The following DLG2 variants were observed in gnomAD, a reference collection of about 807,000 sequenced individuals.
DLG2 encodes the protein disks large homolog 2.
A neutral mutation model predicts 132.5 loss-of-function variants in DLG2; 45 were observed. That is an observed-to-expected ratio of 0.34 (90% CI 0.27 to 0.44). The LOEUF is 0.44. Among genes scored for constraint, DLG2 ranks in the 20% least tolerant of loss-of-function variants. The probability of loss-of-function intolerance (pLI) is 1.00; values close to 1 mark genes in which losing one functional copy is unlikely to be tolerated. For missense variants in DLG2, 1,045 were observed against 1,196.9 expected (o/e 0.87, Z 1.87); for synonymous variants, 424 against 419.6 (o/e 1.01, Z -0.13).
chr11:85,627,497 T>C (rs573631451), upstream of DLG2: 1 of 152,320 alleles, frequency 6.6e-6, no homozygotes, highest in South Asian at 2.1e-4. Context: ...CAGCTCCCTA[T>C]CCGGCGAGGA....
intron 16 of DLG2, among the ~76,000 whole-genome samples, chr11:83,856,742 T>C (rs886636055): frequency 5.3e-5 from 8 of 152,240 alleles, no homozygotes; most frequent in African/African-American, 1.7e-4. Flanking sequence ...CTCAGATGCG[T>C]AATTTGGAAA....
chr11:85,174,939 G>A (rs951336183), intron 4 of DLG2, among the ~76,000 whole-genome samples: 4 of 152,018 alleles, frequency 2.6e-5, no homozygotes, highest in Non-Finnish European at 5.9e-5. Flanking sequence ...GCCCTGAATA[G>A]ACCAATAACA....
chr11:85,079,606 C>A (rs945623340), intron 6 of DLG2, among the ~76,000 whole-genome samples: 1 of 151,874 alleles, frequency 6.6e-6, no homozygotes, highest in African/African-American at 2.4e-5. Flanking sequence ...CAGCTGCCTG[C>A]TCTGGGTCTA....
chr11:84,678,085 TAA>T (rs1413518291), intron 6 of DLG2, among the ~76,000 whole-genome samples: 1 of 152,022 alleles, frequency 6.6e-6, no homozygotes, highest in East Asian at 1.9e-4. Flanking sequence ...GAAGATTCAT[TAA>T]AAGACTCTAT....
intron 12 of DLG2, among the ~76,000 whole-genome samples, chr11:83,975,968 C>T (rs553910152): frequency 4.0e-5 from 6 of 151,852 alleles, no homozygotes; most frequent in African/African-American, 1.2e-4. Flanking sequence ...TCAGAGACTG[C>T]TTCACATGCT....
intron 7 of DLG2, among the ~76,000 whole-genome samples, chr11:84,356,562 TA>T: frequency 6.6e-6 from 1 of 152,106 alleles, no homozygotes. Flanking sequence ...CTCTTACCTG[TA>T]AAATGAGATC....
At chr11:85,341,007 A>G (rs2082455957) in intron 3 of DLG2, among the ~76,000 whole-genome samples, 2 of 152,204 alleles carry the variant, frequency 1.3e-5, no homozygotes, top group Non-Finnish European at 2.9e-5. Context: ...ACCATTTATT[A>G]ATGGTTGACT....
chr11:84,383,264 A>T lies in DLG2; in HGVS notation c.520-131973T>A, dbSNP rs533377425. Among the ~76,000 whole-genome samples the T allele has an allele frequency of 2.6e-5, 4 of 151,704 alleles. No homozygotes were observed. In the South Asian group the frequency reaches 8.3e-4, roughly 32 times the overall value. On this transcript the variant is annotated intron_variant, in intron 7 of 27. Coordinates refer to ENST00000376104, the MANE Select transcript of DLG2 (RefSeq NM_001142699.3). ...TAGCACGGCGTCCATTCCCCCGAGA[A>T]GATTTTCTGGATTATATGGTTAGGT...
intron 7 of DLG2, among the ~76,000 whole-genome samples, chr11:84,448,393 T>A (rs554542116): frequency 6.6e-6 from 1 of 152,180 alleles, no homozygotes; most frequent in South Asian, 2.1e-4. Context: ...GAGCAATAAT[T>A]AATGAGTAAT....
chr11:85,304,499 T>C (rs989832918), intron 3 of DLG2, among the ~76,000 whole-genome samples: 9 of 152,108 alleles, frequency 5.9e-5, no homozygotes, highest in African/African-American at 2.2e-4. Context: ...TTATACAGGT[T>C]GAGCATCCCA....
chr11:85,177,091 A>C (rs1286146725), intron 4 of DLG2, among the ~76,000 whole-genome samples: 2 of 152,084 alleles, frequency 1.3e-5, no homozygotes, highest in African/African-American at 2.4e-5. Flanking sequence ...TTGACCCAGC[A>C]ATCCCATTAC....
At chr11:85,436,204 AC>A (rs1457698372) in intron 3 of DLG2, among the ~76,000 whole-genome samples, 1 of 152,206 alleles carries the variant, frequency 6.6e-6, no homozygotes, top group Non-Finnish European at 1.5e-5. Context: ...AACCATAGAC[AC>A]CGTAGAAGAA....
intron 6 of DLG2, among the ~76,000 whole-genome samples, chr11:84,708,532 C>T (rs1052664978): frequency 6.6e-6 from 1 of 151,736 alleles, no homozygotes; most frequent in Non-Finnish European, 1.5e-5. Flanking sequence ...TTATCTACAG[C>T]CACATTTTTT....
intron 6 of DLG2, among the ~76,000 whole-genome samples, chr11:84,770,939 A>G (rs1165506684): frequency 1.3e-5 from 2 of 151,966 alleles, no homozygotes; most frequent in Non-Finnish European, 2.9e-5. Flanking sequence ...GGCATGAGCC[A>G]CTGCGCTCAG....
intron 3 of DLG2, among the ~76,000 whole-genome samples, chr11:85,351,786 T>C (rs2152881578): frequency 6.6e-6 from 1 of 152,326 alleles, no homozygotes; most frequent in African/African-American, 2.4e-5. Flanking sequence ...ATAAGCTTTT[T>C]GAAGTGCTGC....
In DLG2 at chr11:83,484,153, C is replaced by T; in HGVS notation, c.2269G>A (p.Glu757Lys). 1 of 1,613,358 alleles carries T rather than the reference C, an allele frequency of 6.2e-7. No homozygotes were observed. Among genetic ancestry groups the T allele is most frequent in the Non-Finnish European group, 8.5e-7 (1 of 1,179,488 alleles). The change falls in exon 22 of 28, where the codon GAG (glutamate) becomes AAG (lysine). Residue 757 changes from glutamate to lysine, a missense_variant. Coordinates refer to ENST00000376104, the MANE Select transcript of DLG2 (RefSeq NM_001142699.3). ...FPFYKNKEQS[E>K]QETSDPERGQ... ...CGTTCAGGATCACTGGTTTCCTGCT[C>T]ACTCTGCTCCTTGTTCTTGTAGAAT...
In DLG2 at chr11:84,088,018, T is replaced by C. The variant is rs551404424; in HGVS notation, c.749+10905A>G. 2.0e-5 allele frequency among the ~76,000 whole-genome samples: 3 copies of C among 152,358 alleles called. No homozygotes were observed. The East Asian group carries it at 5.8e-4, about 29-fold the overall frequency. ...TGAGTTGTAGGAGTTTTATTACACA[T>C]TCCGGATACAAGTCGTTTATCAGGT... On this transcript the variant is annotated intron_variant, in intron 10 of 27. Coordinates refer to ENST00000376104, the MANE Select transcript of DLG2 (RefSeq NM_001142699.3).
chr11:85,614,359 C>T (rs944468913), intron 2 of DLG2, among the ~76,000 whole-genome samples: 2 of 150,624 alleles, frequency 1.3e-5, no homozygotes, highest in African/African-American at 4.9e-5. Flanking sequence ...ATGTATAGTT[C>T]GGCCGGGCAT....
intron 14 of DLG2, among the ~76,000 whole-genome samples, chr11:83,941,545 G>A (rs999326042): frequency 2.9e-4 from 44 of 151,744 alleles, no homozygotes; most frequent in African/African-American, 1.1e-3. Flanking sequence ...ACAGGTGCGT[G>A]CCCTCATGAC....
Sources: gnomAD v4.1 joint callset for allele counts (sites outside exome capture counted in the v4.1 genomes callset) on GRCh38, gnomAD v4.1.1 for gene constraint, MANE v1.5 for transcripts, NCBI Gene and HGNC (gene_info 2026-07-23, HGNC 2026-07-21) for gene names.